Variants in HECTD4 observed in about 807,000 individuals in gnomAD.
The protein encoded by HECTD4 is HECT domain E3 ubiquitin protein ligase 4.
In HECTD4, 114 loss-of-function variants were observed where a neutral mutation model predicts 471.5. That is an observed-to-expected ratio of 0.24 (90% CI 0.21 to 0.28). The LOEUF (loss-of-function observed/expected upper bound fraction) is 0.28, where lower values mean the gene tolerates loss of function less well. Among genes scored for constraint, HECTD4 ranks in the 10% least tolerant of loss-of-function variants. HECTD4 has a pLI of 1.00. For synonymous variants in HECTD4, 2,012 were observed against 2,256.0 expected, an observed-to-expected ratio of 0.89 and a Z score of 3.07; for missense variants, 3,866 against 5,651.5, an observed-to-expected ratio of 0.68 and a Z score of 10.13.
chr12:112,199,769 C>T (rs966195135), intron 55 of HECTD4, among the ~76,000 whole-genome samples: 1 of 152,202 alleles, frequency 6.6e-6, no homozygotes. Context: ...CAAGCAATAC[C>T]TGATTGGCTT....
intron 58 of HECTD4, 77 bp from the exon 59 acceptor site, chr12:112,192,842 C>T (rs1318452190): frequency 7.5e-7 from 1 of 1,330,118 alleles, no homozygotes; most frequent in Admixed American, 2.2e-5. Context: ...GCCTTCTCAC[C>T]AGGGGACGTT....
chr12:112,286,105 G>A (rs2034746889), intron 7 of HECTD4, among the ~76,000 whole-genome samples: 1 of 152,220 alleles, frequency 6.6e-6, no homozygotes. Flanking sequence ...AAACACCTGT[G>A]TGATACAAGT....
In HECTD4 at chr12:112,243,641, G is replaced by A. The variant is rs372246308; in HGVS notation, c.4770C>T (p.Ile1590=). 1.2e-4 allele frequency: 193 copies of A among 1,611,536 alleles called. No individual in the cohort carries two copies. The highest frequency in any genetic ancestry group is 1.6e-4 in the Middle Eastern group (1 of 6,082). Residue 1590 remains isoleucine (I), a synonymous_variant, in exon 31 of 76, where the codon ATC becomes ATT. Coordinates refer to ENST00000682272, the MANE Select transcript of HECTD4 (RefSeq NM_001388303.1). The surrounding 1 kb of genome is among the most constrained non-coding windows in gnomAD (Gnocchi z 6.6). ...SVLLGQLFAF[I]GTNPDQAVSS... is the part of the protein sequence containing the mutation. ...GTACAGCTTGGTCAGGGTTGGTGCCGATGAAAGCAAACAGCTGCCCTAGCA... is the reference window on the plus strand; with the variant it reads ...GTACAGCTTGGTCAGGGTTGGTGCCAATGAAAGCAAACAGCTGCCCTAGCA...
chr12:112,291,906 A>G (rs1009221635), intron 7 of HECTD4, among the ~76,000 whole-genome samples: 2 of 152,128 alleles, frequency 1.3e-5, no homozygotes, highest in Non-Finnish European at 2.9e-5. Context: ...ACAGTTGGCA[A>G]TTGGTTTGTT....
intron 40 of HECTD4, among the ~76,000 whole-genome samples, 164 bp downstream of exon 40, chr12:112,230,523 G>A (rs534182802): frequency 1.3e-5 from 2 of 152,222 alleles, no homozygotes; most frequent in East Asian, 3.8e-4. Context: ...GGTTAACAGA[G>A]TTGAAAGTAC....
intron 29 of HECTD4, among the ~76,000 whole-genome samples, chr12:112,244,382 T>A (rs991643344): frequency 2.6e-5 from 4 of 152,152 alleles, no homozygotes; most frequent in African/African-American, 9.7e-5. Context: ...AATTTCTTAT[T>A]TTTTTAAGAT....
Position 112,203,692 on chromosome 12 carries a change from T to C in HECTD4, c.8350A>G (p.Ile2784Val), listed in dbSNP as rs1417443792. The C allele has an allele frequency of 6.2e-7, 1 of 1,613,178 alleles. No individual in the cohort carries two copies. Among genetic ancestry groups the C allele is most frequent in the Non-Finnish European group, 8.5e-7 (1 of 1,179,570 alleles). ...AVGTALPKFAIRGMLKTFGLH... is the reference protein window; with the variant it reads ...AVGTALPKFAVRGMLKTFGLH... ...CCAAAGGTTTTCAGCATCCCTCGGA[T>C]GGCAAATTTTGGCAGAGCAGTTCCA... The change falls in exon 54 of 76, where the codon ATC (isoleucine) becomes GTC (valine). Residue 2784 changes from isoleucine to valine, a missense_variant. Coordinates refer to ENST00000682272, the MANE Select transcript of HECTD4 (RefSeq NM_001388303.1).
At chr12:112,262,192 T>A (rs1464159234) in intron 17 of HECTD4, 1 of 152,196 alleles carries the variant, frequency 6.6e-6, no homozygotes, top group South Asian at 2.1e-4. Context: ...TAAGAGTCTT[T>A]ACATTTCTAT....
intron 7 of HECTD4, among the ~76,000 whole-genome samples, chr12:112,291,172 A>G (rs960367134): frequency 1.3e-5 from 2 of 152,174 alleles, no homozygotes; most frequent in Non-Finnish European, 2.9e-5. Context: ...ATGTTTCTTT[A>G]CAAAATTTTT....
chr12:112,184,223 G>T lies in HECTD4; in HGVS notation c.10743C>A (p.Leu3581=), dbSNP rs1224290777. Residue 3581 remains leucine (L), a synonymous_variant, in exon 61 of 76, where the codon CTC becomes CTA. Coordinates refer to ENST00000682272, the MANE Select transcript of HECTD4 (RefSeq NM_001388303.1). This position sits in a 1 kb window ranked among gnomAD's most constrained non-coding sequence, Gnocchi z 9.1. ...CGAAGCCTTTGATGGGGCGGGCGGC[G>T]AGGGGCTGGTTGTCCAGGGAAGTGA... The part of the protein sequence containing the change: ...YTVTSLDNQP[L]AARPIKGFAV... The T allele has an allele frequency of 6.2e-7, 1 of 1,612,866 alleles. No homozygotes were observed. The highest frequency in any genetic ancestry group is 1.6e-4 in the Middle Eastern group (1 of 6,084).
intron 1 of HECTD4, chr12:112,322,442 T>G (rs1176729020): frequency 6.5e-6 from 1 of 152,764 alleles, no homozygotes; most frequent in African/African-American, 2.4e-5. Context: ...AAGCTTACAG[T>G]AGTTGAATGA....
chr12:112,290,586 G>A (rs184660300), intron 7 of HECTD4, among the ~76,000 whole-genome samples: 8 of 151,914 alleles, frequency 5.3e-5, no homozygotes, highest in Non-Finnish European at 8.8e-5. Flanking sequence ...GGTGGCTCAC[G>A]CCTGTAATCA....
intron 48 of HECTD4, 46 bp from the exon 49 acceptor site, chr12:112,212,696 A>T (rs2032798874): frequency 6.5e-7 from 1 of 1,531,428 alleles, no homozygotes; most frequent in African/African-American, 1.4e-5. Context: ...CCCTTTTATT[A>T]AGTAAATTTT....
At chr12:112,269,590 C>T in intron 13 of HECTD4, 114 bp downstream of exon 13, 1 of 1,122,828 alleles carries the variant, frequency 8.9e-7, no homozygotes, top group Non-Finnish European at 1.3e-6. Flanking sequence ...CCATGAGGTC[C>T]CAATTGTGGG....
At position 112,193,722 on chromosome 12, in the gene HECTD4, T is replaced by A; in HGVS notation, c.8750-48A>T. On this transcript the variant is annotated intron_variant, in intron 56 of 75. Transcript: ENST00000682272. The surrounding 1 kb of genome is among the most constrained non-coding windows in gnomAD (Gnocchi z 5.2). Reference sequence around the variant, plus strand: ...AGTTGACAAGAATCAAAGCAGCCAGTAGCTGTGAGAGTCTAAGTAACAGAA... The same window carrying A: ...AGTTGACAAGAATCAAAGCAGCCAGAAGCTGTGAGAGTCTAAGTAACAGAA... 1 of 1,526,698 alleles carries A rather than the reference T, an allele frequency of 6.6e-7. No homozygotes were observed. The highest frequency in any genetic ancestry group is 9.0e-7 in the Non-Finnish European group (1 of 1,117,034). 94.6% of individuals were successfully genotyped at this position (1,526,698 alleles called of 1,614,324 possible). A position where few individuals can be genotyped will look rare whatever the true frequency, so the allele number is the denominator to read the frequency against.
chr12:112,224,932 C>T (rs1431302490), intron 44 of HECTD4, among the ~76,000 whole-genome samples: 3 of 152,116 alleles, frequency 2.0e-5, no homozygotes, highest in Non-Finnish European at 4.4e-5. Flanking sequence ...AATATGTCTT[C>T]GAATGCAATC....
At chr12:112,360,828 A>C (rs945625791) in intron 1 of HECTD4, among the ~76,000 whole-genome samples, 1 of 152,042 alleles carries the variant, frequency 6.6e-6, no homozygotes, top group African/African-American at 2.4e-5. Context: ...TACTAAAAAT[A>C]TAAAAATTAG....
At chr12:112,352,020 T>C (rs2036254854) in intron 1 of HECTD4, among the ~76,000 whole-genome samples, 1 of 152,238 alleles carries the variant, frequency 6.6e-6, no homozygotes, top group Non-Finnish European at 1.5e-5. Flanking sequence ...CTATGGGTAG[T>C]GAGAAGGCTG....
chr12:112,253,496 C>T (rs540169456), intron 22 of HECTD4, among the ~76,000 whole-genome samples: 9 of 152,296 alleles, frequency 5.9e-5, no homozygotes, highest in African/African-American at 2.2e-4. Context: ...GAAATAAAGG[C>T]CCCGGGAACA....
Sources: gnomAD v4.1 joint callset for allele counts (sites outside exome capture counted in the v4.1 genomes callset) on GRCh38, gnomAD v4.1.1 for gene constraint, Gnocchi (gnomAD v3.1) non-coding constraint, MANE v1.5 for transcripts, NCBI Gene and HGNC (gene_info 2026-07-23, HGNC 2026-07-21) for gene names.